PCDHGA11: variants seen among roughly 807,000 people sequenced by gnomAD.
PCDHGA11 encodes protocadherin gamma-A11.
A neutral mutation model predicts 60.4 loss-of-function variants in PCDHGA11; 39 were observed. The observed-to-expected ratio is 0.65, with a 90% confidence interval of 0.50 to 0.84. The LOEUF (loss-of-function observed/expected upper bound fraction) is 0.84. PCDHGA11 is among the 40% of genes least tolerant of loss of function. PCDHGA11 has a pLI of 0.00. For synonymous variants in PCDHGA11, 533 were observed against 510.3 expected (o/e 1.04, Z -0.60); for missense variants, 1,165 against 1,197.7 (o/e 0.97, Z 0.40).
At chr5:141,495,810 C>A (rs1003475681) in intron 2 of PCDHGA11, among the ~76,000 whole-genome samples, 2 of 152,088 alleles carry the variant, frequency 1.3e-5, no homozygotes, top group African/African-American at 4.8e-5. Flanking sequence ...CGTTTCCTAG[C>A]GCCTTGTGTT....
chr5:141,451,165 A>G (rs2098709571), intron 1 of PCDHGA11, among the ~76,000 whole-genome samples: 1 of 152,116 alleles, frequency 6.6e-6, no homozygotes, highest in Admixed American at 6.6e-5. Context: ...TTTTGGTAGT[A>G]TATTATTTAG....
Position 141,486,369 on chromosome 5 carries a change from C to A in PCDHGA11, c.2434-8438C>A. On this transcript the variant is annotated intron_variant, in intron 1 of 3. Coordinates refer to ENST00000398587, the MANE Select transcript of PCDHGA11 (RefSeq NM_018914.3). This position sits in a 1 kb window ranked among gnomAD's most constrained non-coding sequence, Gnocchi z 5.0. ...GACCACTTGCCATTTGCCCTCAAGT[C>A]TGCCTTCAGGAACCAGTTCTCCCTG... 6.2e-7 allele frequency: 1 copy of A among 1,614,128 alleles called. No individual in the cohort carries two copies. Among genetic ancestry groups the A allele is most frequent in the African/African-American group, 1.3e-5 (1 of 75,048 alleles).
In PCDHGA11 at chr5:141,460,596, C is replaced by A. The variant is rs930441447; in HGVS notation, c.2434-34211C>A. On this transcript the variant is annotated intron_variant, in intron 1 of 3. Transcript: ENST00000398587. ...TGTAGGTGTGGGTTTTTTCTGGGCT[C>A]TCTGTGTTAGATGGATAGATAGACA... Among the ~76,000 whole-genome samples the A allele has an allele frequency of 1.3e-5, 2 of 151,986 alleles. 1 individual carries two copies. The highest frequency in any genetic ancestry group is 4.1e-4 in the South Asian group (2 of 4,824).
chr5:141,446,266 A>C (rs1268290014), intron 1 of PCDHGA11, among the ~76,000 whole-genome samples: 1 of 152,174 alleles, frequency 6.6e-6, no homozygotes, highest in African/African-American at 2.4e-5. Context: ...TTATTAACTG[A>C]ATAAATACAA....
At position 141,477,830 on chromosome 5, in the gene PCDHGA11, C is replaced by T; in HGVS notation, c.2434-16977C>T. ...TGCCCCCCAGGTCCTATATCCTCGG[C>T]CAGGTGGGAGCTCGGTGGAGATGCT... is the stretch of plus-strand genomic sequence containing the variant. On this transcript the variant is annotated intron_variant, in intron 1 of 3. Transcript: ENST00000398587. The surrounding 1 kb of genome is among the most constrained non-coding windows in gnomAD (Gnocchi z 4.9). 1 of 1,614,170 alleles carries T rather than the reference C, an allele frequency of 6.2e-7. No individual in the cohort carries two copies. Among genetic ancestry groups the T allele is most frequent in the Non-Finnish European group, 8.5e-7 (1 of 1,180,038 alleles).
chr5:141,422,618 A>G lies in PCDHGA11; in HGVS notation c.1391A>G (p.Glu464Gly). The G allele has an allele frequency of 1.9e-6, 3 of 1,613,682 alleles. No homozygotes were observed. The highest frequency in any genetic ancestry group is 2.5e-6 in the Non-Finnish European group (3 of 1,179,824). The change falls in exon 1 of 4, where the codon GAA becomes GGA. Residue 464 changes from glutamate to glycine, a missense_variant. Physicochemically the swap from Glu to Gly is moderately conservative, Grantham distance 98 (BLOSUM62 -2). Transcript: ENST00000398587. ...TCCTCTTACTCTGCCTACATTCCCG[A>G]AAACAACCCCAGGGGTGCCTCCATC... is the stretch of plus-strand genomic sequence containing the variant. ...PHSSYSAYIP[E>G]NNPRGASIFS...
At chr5:141,423,750 T>TGGGG (rs144521096) in intron 1 of PCDHGA11, 90 bp downstream of exon 1, 28 of 288,222 alleles carry the variant, frequency 9.7e-5, no homozygotes, top group Non-Finnish European at 1.2e-4. Flanking sequence ...GAAAACTGTT[T>TGGGG]GGGGGGGGGG....
chr5:141,421,717 G>T lies in PCDHGA11; in HGVS notation c.490G>T (p.Gly164Cys). ...TCCTAATGCTAGGGATCCAGATGTG[G>T]GCGTGAACTCCCTCCAGAGCTACCA... ...ALPNARDPDV[G>C]VNSLQSYQLS... Residue 164 changes from glycine (G) to cysteine (C), a missense_variant, in exon 1 of 4, where the codon GGC (glycine) becomes TGC (cysteine). By Grantham distance (159) the Gly-to-Cys change is radical. Coordinates refer to ENST00000398587, the MANE Select transcript of PCDHGA11 (RefSeq NM_018914.3). 1.2e-6 allele frequency: 2 copies of T among 1,613,932 alleles called. No homozygotes were observed. Among genetic ancestry groups the T allele is most frequent in the East Asian group, 4.5e-5 (2 of 44,884 alleles).
chr5:141,478,327 A>G lies in PCDHGA11; in HGVS notation c.2434-16480A>G, dbSNP rs149317962. The G allele has an allele frequency of 9.9e-6, 16 of 1,613,974 alleles. No homozygotes were observed. The African/African-American group carries it at 2.0e-4, about 20-fold the overall frequency. The stretch of plus-strand genomic sequence containing the variant: ...CCCCGGTGAGCTCACTGTACCGAAC[A>G]CCAGGGCCCTCCTTGCACGCGGACG... On this transcript the variant is annotated intron_variant, in intron 1 of 3. Transcript: ENST00000398587.
rs2099450974 is a variant in PCDHGA11 at position 141,478,361 on chromosome 5, G to A, written c.2434-16446G>A. 6 of 1,613,776 alleles carry A rather than the reference G, an allele frequency of 3.7e-6. No individual in the cohort carries two copies. The East Asian group carries it at 1.3e-4, about 36-fold the overall frequency. ...CTCCTTGCACGCGGACGCCGTGCGGGGAGGCCTGATGTCGCCGCACCTTTA... is the reference window on the plus strand; with the variant it reads ...CTCCTTGCACGCGGACGCCGTGCGGAGAGGCCTGATGTCGCCGCACCTTTA... On this transcript the variant is annotated intron_variant, in intron 1 of 3. Coordinates refer to ENST00000398587, the MANE Select transcript of PCDHGA11 (RefSeq NM_018914.3).
rs186484297 is a variant in PCDHGA11 at position 141,453,739 on chromosome 5, A to G, written c.2433+30079A>G. ...TAAAAATATTTGTTACTACAGCTTA[A>G]ATAACATAAGTCTCCTAAAAATAAT... On this transcript the variant is annotated intron_variant, in intron 1 of 3. Coordinates refer to ENST00000398587, the MANE Select transcript of PCDHGA11 (RefSeq NM_018914.3). Among the ~76,000 whole-genome samples, 2 of 152,370 alleles carry G rather than the reference A, an allele frequency of 1.3e-5. 1 individual carries two copies. Among genetic ancestry groups the G allele is most frequent in the Admixed American group, 1.3e-4 (2 of 15,300 alleles).
At chr5:141,471,660 A>G (rs1010236543) in intron 1 of PCDHGA11, 12 of 152,184 alleles carry the variant, frequency 7.9e-5, no homozygotes, top group Non-Finnish European at 1.8e-4. Flanking sequence ...GTGGGGATGC[A>G]GAAAAAAATA....
intron 1 of PCDHGA11, chr5:141,442,020 A>G (rs1461958612): frequency 4.6e-6 from 1 of 219,170 alleles, no homozygotes; most frequent in South Asian, 5.2e-5. Context: ...GATGGGCCAC[A>G]GGAAAGCGAC....
chr5:141,477,819 T>C lies in PCDHGA11; in HGVS notation c.2434-16988T>C. 1.9e-6 allele frequency: 3 copies of C among 1,614,138 alleles called. No individual in the cohort carries two copies. The highest frequency in any genetic ancestry group is 2.5e-6 in the Non-Finnish European group (3 of 1,180,030). On this transcript the variant is annotated intron_variant, in intron 1 of 3. Transcript: ENST00000398587. The surrounding 1 kb of genome is among the most constrained non-coding windows in gnomAD (Gnocchi z 4.9). ...CGCAATGACAATGCCCCCCAGGTCC[T>C]ATATCCTCGGCCAGGTGGGAGCTCG...
At position 141,422,628 on chromosome 5, in the gene PCDHGA11, C is replaced by A; in HGVS notation, c.1401C>A (p.Pro467=). The change falls in exon 1 of 4, where the codon CCC becomes CCA. Residue 467 remains proline, a synonymous_variant. Coordinates refer to ENST00000398587, the MANE Select transcript of PCDHGA11 (RefSeq NM_018914.3). ...CTGCCTACATTCCCGAAAACAACCC[C>A]AGGGGTGCCTCCATCTTCTCAGTGA... ...SYSAYIPENN[P]RGASIFSVTA... 1 of 1,613,410 alleles carries A rather than the reference C, an allele frequency of 6.2e-7. No individual in the cohort carries two copies. The highest frequency in any genetic ancestry group is 8.5e-7 in the Non-Finnish European group (1 of 1,179,592).
At chr5:141,467,337 G>A (rs1018807977) in intron 1 of PCDHGA11, among the ~76,000 whole-genome samples, 1 of 152,162 alleles carries the variant, frequency 6.6e-6, no homozygotes, top group Admixed American at 6.6e-5. Flanking sequence ...AGAGACGTAA[G>A]CCACTGCCCC....
rs760680204 is a variant in PCDHGA11, at chr5:141,477,505, CG to C, written c.2434-17301del. ...CACAATCTTCTCAATCTTCCTACGA[CG>C]TTTACATTGAAGAAAACAACCTCCC... On this transcript the variant is annotated intron_variant, in intron 1 of 3. Coordinates refer to ENST00000398587, the MANE Select transcript of PCDHGA11 (RefSeq NM_018914.3). The surrounding 1 kb of genome is among the most constrained non-coding windows in gnomAD (Gnocchi z 4.9). The C allele has an allele frequency of 1.2e-5, 19 of 1,614,008 alleles. No individual in the cohort carries two copies. The highest frequency in any genetic ancestry group is 8.5e-7 in the Non-Finnish European group (1 of 1,180,018).
At chr5:141,472,219 A>C (rs2099274667) in intron 1 of PCDHGA11, among the ~76,000 whole-genome samples, 1 of 152,210 alleles carries the variant, frequency 6.6e-6, no homozygotes, top group Non-Finnish European at 1.5e-5. Context: ...CTTACTCTCG[A>C]TCATATAATA....
Position 141,476,214 on chromosome 5 carries a change from T to C in PCDHGA11, c.2434-18593T>C, listed in dbSNP as rs768153063. 1 of 1,613,974 alleles carries C rather than the reference T, an allele frequency of 6.2e-7. No homozygotes were observed. Among genetic ancestry groups the C allele is most frequent in the African/African-American group, 1.3e-5 (1 of 74,990 alleles). ...GCCTTGAACAAGGCTTCCACGGTCA[T>C]TCACTATGAGATCCCGGAGGAAAGA... On this transcript the variant is annotated intron_variant, in intron 1 of 3. Coordinates refer to ENST00000398587, the MANE Select transcript of PCDHGA11 (RefSeq NM_018914.3). The surrounding 1 kb of genome is among the most constrained non-coding windows in gnomAD (Gnocchi z 7.6).
Sources: allele counts gnomAD v4.1 joint callset (sites outside exome capture counted in the v4.1 genomes callset), GRCh38; gene constraint gnomAD v4.1.1; non-coding constraint Gnocchi (gnomAD v3.1); transcripts MANE v1.5; gene names NCBI Gene and HGNC (gene_info 2026-07-23, HGNC 2026-07-21).